Variants in SIL1 observed in about 807,000 individuals in gnomAD.
The protein encoded by SIL1 is nucleotide exchange factor SIL1.
Under a neutral mutation model 49.1 loss-of-function variants are expected in SIL1, and 40 were observed. That is an observed-to-expected ratio of 0.81 (90% CI 0.63 to 1.06). The LOEUF is 1.06. Among genes scored for constraint, SIL1 ranks in the 50% least tolerant of loss-of-function variants. The probability of loss-of-function intolerance (pLI) is 0.00; values close to 1 mark genes in which losing one functional copy is unlikely to be tolerated. For missense variants in SIL1, 500 were observed against 572.6 expected, an observed-to-expected ratio of 0.87 and a Z score of 1.29; for synonymous variants, 253 against 250.8, an observed-to-expected ratio of 1.01 and a Z score of -0.08.
intron 3 of SIL1, among the ~76,000 whole-genome samples, chr5:139,097,488 T>C (rs1313845851): frequency 2.0e-5 from 3 of 150,632 alleles, no homozygotes; most frequent in Non-Finnish European, 4.4e-5. Flanking sequence ...CATTTCTCTT[T>C]TTTTTTTTTT....
intron 1 of SIL1, among the ~76,000 whole-genome samples, chr5:139,143,326 C>CATATATAT (rs1751123890): frequency 1.6e-5 from 2 of 128,090 alleles, no homozygotes; most frequent in African/African-American, 7.5e-5. Flanking sequence ...CACACACACA[C>CATATATAT]ACACACACAC....
At chr5:138,989,767 T>C (rs1767719293) in intron 7 of SIL1, among the ~76,000 whole-genome samples, 1 of 152,056 alleles carries the variant, frequency 6.6e-6, no homozygotes, top group African/African-American at 2.4e-5. Context: ...GTGGAGAGGG[T>C]GGCTTTACAT....
In SIL1 at chr5:138,956,512, G is replaced by A. The variant is rs183503988; in HGVS notation, c.768-4628C>T. Among the ~76,000 whole-genome samples, 3 of 152,318 alleles carry A rather than the reference G, an allele frequency of 2.0e-5. No individual in the cohort carries two copies. The East Asian group carries it at 5.8e-4, about 29-fold the overall frequency. ...TAATCCCAGCACTTTGGGAGGCTGA[G>A]GCGGGCAGATCACTTGAAATCAGGA... On this transcript the variant is annotated intron_variant, in intron 7 of 9. Transcript: ENST00000394817.
At chr5:139,100,963 T>C (rs1266481964) in intron 3 of SIL1, among the ~76,000 whole-genome samples, 1 of 151,486 alleles carries the variant, frequency 6.6e-6, no homozygotes, top group Non-Finnish European at 1.5e-5. Flanking sequence ...AGATGAAACA[T>C]GAAGCCATCA....
intron 1 of SIL1, among the ~76,000 whole-genome samples, chr5:139,168,403 G>T (rs182719366): frequency 6.8e-4 from 103 of 152,316 alleles, no homozygotes; most frequent in Non-Finnish European, 1.2e-3. Context: ...CTTCACGGCA[G>T]GTAGTTGTGT....
intron 5 of SIL1, among the ~76,000 whole-genome samples, chr5:139,030,919 C>T (rs76548372): frequency 0.01 from 1,571 of 152,252 alleles, 27 homozygotes; most frequent in African/African-American, 0.036. Flanking sequence ...TCTGGCAAAA[C>T]ATTTCAAGGA....
intron 1 of SIL1, among the ~76,000 whole-genome samples, chr5:139,195,413 G>C (rs1172706340): frequency 6.6e-6 from 1 of 151,736 alleles, no homozygotes; most frequent in Non-Finnish European, 1.5e-5. Flanking sequence ...TTTTGAGACG[G>C]AGTCTCGCTC....
intron 6 of SIL1, among the ~76,000 whole-genome samples, chr5:139,023,088 T>C (rs1443648004): frequency 6.6e-6 from 1 of 152,236 alleles, no homozygotes; most frequent in Non-Finnish European, 1.5e-5. Flanking sequence ...CTACTATTAC[T>C]ACAATGATAA....
At chr5:139,002,014 C>G (rs973576736) in intron 7 of SIL1, among the ~76,000 whole-genome samples, 1 of 151,964 alleles carries the variant, frequency 6.6e-6, no homozygotes, top group Non-Finnish European at 1.5e-5. Context: ...AGTTCGAGAC[C>G]AGCCTGGGCA....
intron 3 of SIL1, among the ~76,000 whole-genome samples, chr5:139,093,168 C>G (rs1004821744): frequency 6.6e-6 from 1 of 152,214 alleles, no homozygotes; most frequent in Non-Finnish European, 1.5e-5. Flanking sequence ...CCATTCTGCT[C>G]TCTCTCCAGC....
At chr5:139,060,595 A>C (rs887056827) in intron 3 of SIL1, among the ~76,000 whole-genome samples, 66 of 152,096 alleles carry the variant, frequency 4.3e-4, no homozygotes, top group Non-Finnish European at 2.5e-4. Context: ...CCATTCTACC[A>C]ATCTTCCCTA....
At chr5:138,949,351 TG>T (rs763589006) in intron 9 of SIL1, among the ~76,000 whole-genome samples, 1 of 152,170 alleles carries the variant, frequency 6.6e-6, no homozygotes, top group Non-Finnish European at 1.5e-5. Flanking sequence ...AGCACCCTGA[TG>T]GGGGTGTCAC....
At chr5:139,196,289 AT>A (rs778557457) in intron 1 of SIL1, among the ~76,000 whole-genome samples, 1 of 152,174 alleles carries the variant, frequency 6.6e-6, no homozygotes, top group Non-Finnish European at 1.5e-5. Context: ...CCAGAGGTGG[AT>A]TTTCAAAACT....
chr5:138,963,639 C>G (rs942572736), intron 7 of SIL1, among the ~76,000 whole-genome samples: 1 of 152,228 alleles, frequency 6.6e-6, no homozygotes, highest in African/African-American at 2.4e-5. Context: ...TGAGGTTTTG[C>G]TCAGATATTT....
At chr5:139,112,652 G>A (rs931435414) in intron 3 of SIL1, among the ~76,000 whole-genome samples, 7 of 147,752 alleles carry the variant, frequency 4.7e-5, no homozygotes, top group Admixed American at 3.3e-4. Flanking sequence ...GCCCCCGCCC[G>A]GCCAGCCGCC....
chr5:139,084,112 T>C (rs892266700), intron 3 of SIL1, among the ~76,000 whole-genome samples: 4 of 151,150 alleles, frequency 2.6e-5, no homozygotes, highest in African/African-American at 4.9e-5. Context: ...AGTCAGGTAG[T>C]GTGATGCCTC....
At chr5:139,095,799 G>T (rs573986512) in intron 3 of SIL1, among the ~76,000 whole-genome samples, 10 of 151,950 alleles carry the variant, frequency 6.6e-5, no homozygotes, top group African/African-American at 2.2e-4. Flanking sequence ...CTGCACTCCA[G>T]CTGGAGCAAC....
chr5:139,174,754 A>G (rs1250394484), intron 1 of SIL1, among the ~76,000 whole-genome samples: 2 of 151,818 alleles, frequency 1.3e-5, no homozygotes, highest in African/African-American at 4.8e-5. Context: ...CCTGGCCAAC[A>G]TGCCAAAACC....
intron 3 of SIL1, among the ~76,000 whole-genome samples, chr5:139,088,508 G>C (rs62381236): frequency 0.089 from 13,553 of 152,134 alleles, 697 homozygotes; most frequent in Non-Finnish European, 0.11. Context: ...ACAATTTCTG[G>C]GGCAATAATG....
Sources: allele counts gnomAD v4.1 joint callset (sites outside exome capture counted in the v4.1 genomes callset), GRCh38; gene constraint gnomAD v4.1.1; transcripts MANE v1.5; gene names NCBI Gene and HGNC (gene_info 2026-07-23, HGNC 2026-07-21).